Variants in VWA5B1 observed in about 807,000 individuals in gnomAD.
VWA5B1 encodes von Willebrand factor A domain containing 5B1, also known as von Willebrand factor A domain-containing protein 5B1.
VWA5B1 carries 115 observed loss-of-function variants against 118.2 expected under a neutral mutation model. That is an observed-to-expected ratio of 0.97 (90% confidence interval 0.84 to 1.14). VWA5B1 has a LOEUF of 1.14. Ranked by LOEUF, VWA5B1 falls within the 50% of genes most tolerant of loss-of-function variation. The pLI is 0.00. For missense variants in VWA5B1, 1,596 were observed against 1,603.8 expected (o/e 1.00, Z 0.08); for synonymous variants, 682 against 658.4 (o/e 1.04, Z -0.55).
At chr1:20,342,129 C>CA (rs60635945) in intron 14 of VWA5B1, among the ~76,000 whole-genome samples, 19,457 of 139,066 alleles carry the variant, frequency 0.14, 1,403 homozygotes, top group Admixed American at 0.17. Flanking sequence ...AACTTTATGG[C>CA]AAAAAAAAAA....
rs1027631402 is a variant in VWA5B1 at position 20,357,501 on chromosome 1, C to T, written c.*3238C>T. ...CCCAGCAGCAGCTCTTCTCTGGTTA[C>T]TAGGTCGCAAAATGCTGGTCTAGAT... On this transcript the variant is annotated 3_prime_UTR_variant, in exon 22 of 22. Transcript: ENST00000289815. Among the ~76,000 whole-genome samples, 2 of 152,200 alleles carry T rather than the reference C, an allele frequency of 1.3e-5. No homozygotes were observed. The highest frequency in any genetic ancestry group is 1.5e-5 in the Non-Finnish European group (1 of 68,042).
At chr1:20,330,761 G>C in intron 10 of VWA5B1, 108 bp from the exon 11 acceptor site, 1 of 1,133,512 alleles carries the variant, frequency 8.8e-7, no homozygotes, top group Non-Finnish European at 1.3e-6. Context: ...CCTGAATATA[G>C]GGCCAGCTCC....
intron 4 of VWA5B1, among the ~76,000 whole-genome samples, chr1:20,317,021 T>C (rs1313815239): frequency 1.3e-5 from 2 of 151,772 alleles, no homozygotes; most frequent in Non-Finnish European, 2.9e-5. Context: ...CCGTGCGTAG[T>C]GGCGGGCACC....
At chr1:20,328,137 C>G (rs547265952) in intron 9 of VWA5B1, 137 bp downstream of exon 9, 2 of 764,066 alleles carry the variant, frequency 2.6e-6, no homozygotes, top group African/African-American at 1.8e-5. Flanking sequence ...CCAGATCACA[C>G]CCGGGGGCAG....
At chr1:20,296,402 C>T (rs564505834) in intron 1 of VWA5B1, among the ~76,000 whole-genome samples, 3 of 152,190 alleles carry the variant, frequency 2.0e-5, no homozygotes, top group Non-Finnish European at 1.5e-5. Flanking sequence ...GTTAGTGAGG[C>T]CAATAAAAGA....
intron 1 of VWA5B1, among the ~76,000 whole-genome samples, chr1:20,305,934 G>A (rs1421501020): frequency 6.6e-6 from 1 of 152,082 alleles, no homozygotes; most frequent in Non-Finnish European, 1.5e-5. Flanking sequence ...GCATTGTGAT[G>A]ACATATGGAT....
intron 17 of VWA5B1, among the ~76,000 whole-genome samples, chr1:20,347,878 CAG>C (rs1378335707): frequency 1.3e-5 from 2 of 152,132 alleles, no homozygotes; most frequent in Non-Finnish European, 2.9e-5. Context: ...AGACAGTAAA[CAG>C]AGAGAAGAAC....
At chr1:20,328,297 G>T (rs2089447962) in intron 9 of VWA5B1, among the ~76,000 whole-genome samples, 2 of 152,192 alleles carry the variant, frequency 1.3e-5, no homozygotes, top group Admixed American at 6.5e-5. Flanking sequence ...AGAGGACATA[G>T]CCCAGGCCTG....
At chr1:20,309,351 G>T (rs969822888) in intron 1 of VWA5B1, among the ~76,000 whole-genome samples, 5 of 152,192 alleles carry the variant, frequency 3.3e-5, no homozygotes, top group African/African-American at 4.8e-5. Flanking sequence ...TCAGCTCCGT[G>T]GGGGGATGAC....
intron 1 of VWA5B1, among the ~76,000 whole-genome samples, chr1:20,309,038 T>C (rs984578720): frequency 1.3e-5 from 2 of 152,166 alleles, no homozygotes; most frequent in African/African-American, 2.4e-5. Context: ...ACCCCACTTC[T>C]TCAAGGCATG....
chr1:20,299,297 G>A (rs1040652302), intron 1 of VWA5B1, among the ~76,000 whole-genome samples: 1 of 152,166 alleles, frequency 6.6e-6, no homozygotes. Context: ...AAGAAGAGGG[G>A]CAATACCAAC....
chr1:20,350,733 T>C, intron 19 of VWA5B1, 124 bp from the exon 20 acceptor site: 1 of 880,556 alleles, frequency 1.1e-6, no homozygotes, highest in Non-Finnish European at 1.8e-6. Flanking sequence ...AATGGTTAGC[T>C]CGAGTCCCTA....
chr1:20,297,801 G>A (rs1462565758), intron 1 of VWA5B1, among the ~76,000 whole-genome samples: 1 of 152,164 alleles, frequency 6.6e-6, no homozygotes, highest in African/African-American at 2.4e-5. Context: ...TCTGCCCTGG[G>A]AGCTCCAAAC....
intron 3 of VWA5B1, 141 bp from the exon 4 acceptor site, chr1:20,314,177 GCTTA>G: frequency 1.2e-6 from 1 of 823,124 alleles, no homozygotes; most frequent in South Asian, 1.8e-5. Context: ...TGCTTCAATG[GCTTA>G]CTTATTCACA....
Position 20,314,496 on chromosome 1 carries a change from G to T in VWA5B1, c.467G>T (p.Ser156Ile). 1 of 1,551,782 alleles carries T rather than the reference G, an allele frequency of 6.4e-7. No homozygotes were observed. Among genetic ancestry groups the T allele is most frequent in the Non-Finnish European group, 8.7e-7 (1 of 1,147,008 alleles). The change falls in exon 4 of 22, where the codon AGC becomes ATC. Residue 156 changes from serine (S) to isoleucine (I), a missense_variant. Physicochemically the swap from Ser to Ile is moderately radical, Grantham distance 142. Coordinates refer to ENST00000289815, the MANE Select transcript of VWA5B1 (RefSeq NM_001039500.3). Reference sequence around the variant, plus strand: ...TCCTCGGAGCTCCCAACGCTGCCCAGCGGGGCTGTGAGGGTCCTTCTGCCT... The same window carrying T: ...TCCTCGGAGCTCCCAACGCTGCCCATCGGGGCTGTGAGGGTCCTTCTGCCT... Reference protein sequence around the residue: ...STSSELPTLPSGAVRVLLPAV... With the variant: ...STSSELPTLPIGAVRVLLPAV...
intron 18 of VWA5B1, chr1:20,349,191 A>T: frequency 4.5e-6 from 2 of 448,530 alleles, no homozygotes; most frequent in South Asian, 3.2e-5. Flanking sequence ...GGAGCTCTTC[A>T]GAATCAAAGT....
rs1348332074 is a variant in VWA5B1 at position 20,343,399 on chromosome 1, C to T, written c.2626+6C>T. 3 of 1,512,708 alleles carry T rather than the reference C, an allele frequency of 2.0e-6. No homozygotes were observed. The East Asian group carries it at 7.4e-5, about 37-fold the overall frequency. The allele number at this position is 1,512,708 out of a possible 1,614,324, so 93.7% of individuals were successfully genotyped here. ...CGAGGGCGAGATCGAGCAGGGTGAG[C>T]GCCACGGAACTGCGCCCCTCCCGCG... On this transcript the variant is annotated splice_donor_region_variant and intron_variant, in intron 16 of 21. Coordinates refer to ENST00000289815, the MANE Select transcript of VWA5B1 (RefSeq NM_001039500.3).
At position 20,354,176 on chromosome 1, in the gene VWA5B1, C is replaced by T. The variant is rs770373995; in HGVS notation, c.3561C>T (p.Ala1187=). The T allele has an allele frequency of 9.2e-5, 142 of 1,551,148 alleles. No homozygotes were observed. Among genetic ancestry groups the T allele is most frequent in the Middle Eastern group, 1.7e-4 (1 of 6,014 alleles). ...GCCGCACGCAGGGCACACTCAAGGC[C>T]GCTGCCCGCCAGCTGTTTGTGCTTC... ...PEGRTQGTLK[A]AARQLFVLLR... The change falls in exon 22 of 22, where the codon GCC becomes GCT. Residue 1187 remains alanine (A), a synonymous_variant. Transcript: ENST00000289815.
intron 8 of VWA5B1, among the ~76,000 whole-genome samples, chr1:20,327,393 G>A (rs770031699): frequency 2.8e-4 from 42 of 152,290 alleles, no homozygotes; most frequent in Middle Eastern, 3.4e-3. Flanking sequence ...TGTGTCCTTA[G>A]TGATGGTTAG....
Sources: gnomAD v4.1 joint callset for allele counts (sites outside exome capture counted in the v4.1 genomes callset) on GRCh38, gnomAD v4.1.1 for gene constraint, MANE v1.5 for transcripts, NCBI Gene and HGNC (gene_info 2026-07-23, HGNC 2026-07-21) for gene names.